Variants in GALNT1 observed in about 807,000 individuals in gnomAD.
GALNT1 encodes the protein GalNAc transferase 1.
Under a neutral mutation model 65.7 loss-of-function variants are expected in GALNT1, and 17 were observed. The ratio of observed to expected loss-of-function variants is 0.26; its 90% confidence interval spans 0.18 to 0.39. The LOEUF (loss-of-function observed/expected upper bound fraction) is 0.39, where lower values mean the gene tolerates loss of function less well. GALNT1 is among the 10% of genes least tolerant of loss of function. The pLI is 1.00. For missense variants in GALNT1, 460 were observed against 672.8 expected (o/e 0.68, Z 3.50); for synonymous variants, 210 against 219.7 (o/e 0.96, Z 0.39).
At chr18:35,665,339 A>G (rs2047534533) in intron 3 of GALNT1, among the ~76,000 whole-genome samples, 1 of 152,168 alleles carries the variant, frequency 6.6e-6, no homozygotes. Flanking sequence ...AAATGCACCA[A>G]AGAGATGGAC....
In GALNT1 at chr18:35,646,903, C is replaced by T. The variant is rs142122149; in HGVS notation, c.-103-7657C>T. ...ACCTCATACTCAACATGTCCCAAAT[C>T]ACACTTAACGTTTCTTCCCATCTTC... On this transcript the variant is annotated intron_variant, in intron 1 of 11. Transcript: ENST00000269195. Among the ~76,000 whole-genome samples, 365 of 152,260 alleles carry T rather than the reference C, an allele frequency of 2.4e-3. 1 individual carries two copies. The highest frequency in any genetic ancestry group is 8.4e-3 in the African/African-American group (348 of 41,540).
chr18:35,620,577 C>CG (rs2046837949), intron 1 of GALNT1, among the ~76,000 whole-genome samples: 2 of 152,166 alleles, frequency 1.3e-5, no homozygotes, highest in South Asian at 4.1e-4. Flanking sequence ...TTATTCTCTA[C>CG]AGTGTTTGTG....
intron 7 of GALNT1, among the ~76,000 whole-genome samples, 186 bp from the exon 8 acceptor site, chr18:35,690,826 T>C (rs2047949551): frequency 6.6e-6 from 1 of 152,218 alleles, no homozygotes; most frequent in African/African-American, 2.4e-5. Context: ...TTTGCTGTTA[T>C]TTTCAGATTT....
chr18:35,627,376 G>T (rs1406662661), intron 1 of GALNT1: 1 of 152,158 alleles, frequency 6.6e-6, no homozygotes. Flanking sequence ...GACTAAGGGG[G>T]GAGAATAGAG....
intron 1 of GALNT1, among the ~76,000 whole-genome samples, chr18:35,584,066 T>C (rs2046353598): frequency 1.3e-5 from 2 of 152,224 alleles, no homozygotes; most frequent in East Asian, 1.9e-4. Flanking sequence ...GTGTACTACA[T>C]TGTATTTTGA....
chr18:35,629,769 G>C (rs1195926958), intron 1 of GALNT1, among the ~76,000 whole-genome samples: 1 of 152,152 alleles, frequency 6.6e-6, no homozygotes, highest in African/African-American at 2.4e-5. Context: ...CTGGCAAATT[G>C]GATAAAGAGT....
chr18:35,670,165 G>A (rs375840705), intron 3 of GALNT1, among the ~76,000 whole-genome samples: 4 of 152,100 alleles, frequency 2.6e-5, no homozygotes, highest in African/African-American at 9.6e-5. Flanking sequence ...AGTGGTGCAT[G>A]CCTATAGTCC....
At chr18:35,660,652 G>A (rs1172910989) in intron 2 of GALNT1, among the ~76,000 whole-genome samples, 1 of 152,148 alleles carries the variant, frequency 6.6e-6, no homozygotes, top group African/African-American at 2.4e-5. Context: ...TGGCAGTAGA[G>A]AACATGGAAA....
chr18:35,634,240 C>T (rs1268545458), intron 1 of GALNT1, among the ~76,000 whole-genome samples: 1 of 152,118 alleles, frequency 6.6e-6, no homozygotes, highest in East Asian at 1.9e-4. Flanking sequence ...CAAAGAGGCT[C>T]AGGTTTTTGC....
intron 1 of GALNT1, among the ~76,000 whole-genome samples, chr18:35,617,767 A>C (rs2046803041): frequency 6.6e-6 from 1 of 152,212 alleles, no homozygotes; most frequent in African/African-American, 2.4e-5. Flanking sequence ...CCCAGTTCAT[A>C]ATCATATTTC....
intron 1 of GALNT1, among the ~76,000 whole-genome samples, chr18:35,622,363 C>T (rs1270574293): frequency 6.6e-6 from 1 of 152,030 alleles, no homozygotes; most frequent in South Asian, 2.1e-4. Context: ...GCAATTTTCT[C>T]ACCTCAACCT....
At chr18:35,631,293 T>C (rs1187630069) in intron 1 of GALNT1, among the ~76,000 whole-genome samples, 2 of 152,152 alleles carry the variant, frequency 1.3e-5, no homozygotes, top group African/African-American at 4.8e-5. Context: ...TGAACATTGA[T>C]GCAAAAATCC....
At chr18:35,622,472 G>A (rs562212015) in intron 1 of GALNT1, among the ~76,000 whole-genome samples, 137 of 151,296 alleles carry the variant, frequency 9.1e-4, no homozygotes, top group African/African-American at 3.1e-3. Flanking sequence ...GGCTGGTCTC[G>A]AACTCCTGGA....
chr18:35,669,206 A>T (rs139676290), intron 3 of GALNT1, among the ~76,000 whole-genome samples: 1,592 of 147,254 alleles, frequency 0.011, 12 homozygotes, highest in Non-Finnish European at 0.017. Context: ...ACACCACTGC[A>T]CTCCAGCCTG....
intron 1 of GALNT1, among the ~76,000 whole-genome samples, chr18:35,590,437 G>T (rs1216982531): frequency 6.6e-6 from 1 of 152,164 alleles, no homozygotes; most frequent in Non-Finnish European, 1.5e-5. Context: ...ACAGCCTTGA[G>T]TATAGGACAA....
chr18:35,622,256 T>C (rs1048787076), intron 1 of GALNT1, among the ~76,000 whole-genome samples: 4 of 152,110 alleles, frequency 2.6e-5, no homozygotes, highest in African/African-American at 7.2e-5. Context: ...TTTAATATTA[T>C]TATTTTTCAT....
Position 35,697,404 on chromosome 18 carries a change from A to G in GALNT1, c.1299+5084A>G, listed in dbSNP as rs149716387. On this transcript the variant is annotated intron_variant, in intron 9 of 11. Transcript: ENST00000269195. ...TTGAGGTCAAATATGTTTGGGCAAT[A>G]CTATTTTACATCTTACATCCATCTG... Among the ~76,000 whole-genome samples, 17 of 152,304 alleles carry G rather than the reference A, an allele frequency of 1.1e-4. No individual in the cohort carries two copies. The East Asian group carries it at 2.7e-3, about 24-fold the overall frequency.
chr18:35,627,839 C>T (rs113054692), intron 1 of GALNT1, among the ~76,000 whole-genome samples: 1,748 of 152,264 alleles, frequency 0.011, 34 homozygotes, highest in African/African-American at 0.039. Flanking sequence ...GAGGGACAAA[C>T]GGCACCTGGA....
At chr18:35,689,394 C>A in intron 7 of GALNT1, 104 bp downstream of exon 7, 1 of 709,172 alleles carries the variant, frequency 1.4e-6, no homozygotes, top group Admixed American at 3.0e-5. Flanking sequence ...GAATTTAATA[C>A]AAGTTTAATG....
Sources: gnomAD v4.1 joint callset for allele counts (sites outside exome capture counted in the v4.1 genomes callset) on GRCh38, gnomAD v4.1.1 for gene constraint, MANE v1.5 for transcripts, NCBI Gene and HGNC (gene_info 2026-07-23, HGNC 2026-07-21) for gene names.